The following DNAH14 variants were observed in gnomAD, a reference collection of about 807,000 sequenced individuals.
DNAH14 encodes dynein axonemal heavy chain 14, also known as axonemal beta dynein heavy chain 14.
Under a neutral mutation model 520.9 loss-of-function variants are expected in DNAH14, and 478 were observed. The ratio of observed to expected loss-of-function variants is 0.92; its 90% CI spans 0.85 to 0.99. The LOEUF is 0.99. Among genes scored for constraint, DNAH14 ranks in the 50% least tolerant of loss-of-function variants. The pLI, the probability that DNAH14 is intolerant of heterozygous loss-of-function variation, is 0.00. For missense variants in DNAH14, 4,831 were observed against 5,234.5 expected (o/e 0.92, Z 2.38); for synonymous variants, 1,581 against 1,757.2 (o/e 0.90, Z 2.51).
chr1:225,399,221 C>G lies in DNAH14; in HGVS notation c.13806C>G (p.His4602Gln). Residue 4602 changes from histidine (H) to glutamine (Q), a missense_variant, in exon 86 of 86, where the codon CAC becomes CAG. Physicochemically the swap from His to Gln is conservative, Grantham distance 24. Coordinates refer to ENST00000682510, the MANE Select transcript of DNAH14 (RefSeq NM_001367479.1). ...TATCAACGAAGAAACCTCCTAGTCA[C>G]TGGATCACAATGCGGGTTGCATTGC... The part of the protein sequence containing the change: ...VYLSTKKPPS[H>Q]WITMRVALLC... 1.3e-6 allele frequency: 2 copies of G among 1,551,672 alleles called. No individual in the cohort carries two copies. Among genetic ancestry groups the G allele is most frequent in the Non-Finnish European group, 1.7e-6 (2 of 1,146,988 alleles).
chr1:225,372,119 G>C (rs1375804284), intron 77 of DNAH14, among the ~76,000 whole-genome samples: 1 of 152,028 alleles, frequency 6.6e-6, no homozygotes, highest in Non-Finnish European at 1.5e-5. Context: ...CTAAATAAAT[G>C]CATCCATGTT....
chr1:225,100,647 T>G (rs1039860366), intron 22 of DNAH14, 66 bp from the exon 23 acceptor site: 1 of 1,233,440 alleles, frequency 8.1e-7, no homozygotes, highest in African/African-American at 1.6e-5. Flanking sequence ...GGCAATGCAT[T>G]ACATTATAGA....
intron 55 of DNAH14, 62 bp from the exon 56 acceptor site, chr1:225,300,807 G>A: frequency 6.9e-7 from 1 of 1,448,432 alleles, no homozygotes; most frequent in Middle Eastern, 2.0e-4. Flanking sequence ...TCAAATTGAT[G>A]TGGTTAGGGT....
intron 8 of DNAH14, among the ~76,000 whole-genome samples, chr1:224,991,904 A>G (rs1194600948): frequency 1.3e-5 from 2 of 152,202 alleles, no homozygotes; most frequent in South Asian, 2.1e-4. Flanking sequence ...AATGCAAATC[A>G]AAACTACAGT....
chr1:224,968,434 C>CT (rs1375195892), intron 6 of DNAH14, among the ~76,000 whole-genome samples: 1 of 152,026 alleles, frequency 6.6e-6, no homozygotes, highest in African/African-American at 2.4e-5. Context: ...ATAAATACTA[C>CT]TTTTATAGAA....
chr1:225,392,739 G>A (rs538890743), intron 84 of DNAH14, among the ~76,000 whole-genome samples: 1 of 152,232 alleles, frequency 6.6e-6, no homozygotes, highest in Non-Finnish European at 1.5e-5. Flanking sequence ...GAATGCTGCT[G>A]AGGTCAGCAT....
intron 21 of DNAH14, among the ~76,000 whole-genome samples, chr1:225,088,146 C>G (rs1378112329): frequency 1.3e-5 from 2 of 152,082 alleles, no homozygotes; most frequent in Non-Finnish European, 2.9e-5. Context: ...TGTACAATTT[C>G]TAGAATGCCA....
intron 59 of DNAH14, 48 bp downstream of exon 59, chr1:225,307,617 G>T: frequency 1.4e-6 from 2 of 1,409,926 alleles, no homozygotes; most frequent in Non-Finnish European, 1.9e-6. Flanking sequence ...GTCTAATATA[G>T]AACAGTGTTT....
chr1:225,146,636 G>A (rs181143540), intron 30 of DNAH14, among the ~76,000 whole-genome samples: 26 of 152,318 alleles, frequency 1.7e-4, no homozygotes, highest in African/African-American at 6.0e-4. Context: ...CTGTGGTTCA[G>A]TCTTTTGCAT....
intron 72 of DNAH14, among the ~76,000 whole-genome samples, chr1:225,352,304 C>T (rs1485072434): frequency 6.6e-6 from 1 of 152,036 alleles, no homozygotes; most frequent in African/African-American, 2.4e-5. Flanking sequence ...TCGAACTCTC[C>T]TCCGTTTTTC....
intron 8 of DNAH14, among the ~76,000 whole-genome samples, chr1:224,999,458 G>T (rs2063607358): frequency 6.6e-6 from 1 of 152,070 alleles, no homozygotes; most frequent in South Asian, 2.1e-4. Flanking sequence ...TCCTGCCTCG[G>T]CCTCCCAGAG....
chr1:225,335,379 A>G (rs557256843), intron 66 of DNAH14, among the ~76,000 whole-genome samples: 496 of 44,516 alleles, frequency 0.011, 108 homozygotes, highest in Non-Finnish European at 0.015. Flanking sequence ...ATGTGTGTGT[A>G]TATGCACATA....
chr1:224,931,220 T>A (rs1325115058), intron 1 of DNAH14, among the ~76,000 whole-genome samples: 1 of 152,192 alleles, frequency 6.6e-6, no homozygotes, highest in African/African-American at 2.4e-5. Context: ...AGAATAAGGA[T>A]ATAAAGGAAA....
chr1:225,129,739 A>G (rs944408276), intron 27 of DNAH14, among the ~76,000 whole-genome samples: 3 of 152,060 alleles, frequency 2.0e-5, no homozygotes, highest in Non-Finnish European at 2.9e-5. Flanking sequence ...AGGCATTACC[A>G]TTCAGGACAT....
At chr1:225,280,873 A>C (rs1408370299) in intron 54 of DNAH14, among the ~76,000 whole-genome samples, 1 of 152,204 alleles carries the variant, frequency 6.6e-6, no homozygotes, top group East Asian at 1.9e-4. Flanking sequence ...AAACCTCAAA[A>C]ATTTTATGTT....
chr1:225,213,814 C>T lies in DNAH14; in HGVS notation c.6439+6594C>T, dbSNP rs182247700. ...AGCTTAAGGAGATTTTGGGCTGAGA[C>T]GATGGGGTTTTCTAGATATACACTC... On this transcript the variant is annotated intron_variant, in intron 41 of 85. Transcript: ENST00000682510. Among the ~76,000 whole-genome samples the T allele has an allele frequency of 5.2e-3, 792 of 152,240 alleles. 7 individuals carry two copies. The highest frequency in any genetic ancestry group is 0.018 in the African/African-American group (746 of 41,534).
chr1:225,338,278 G>A (rs913516684), intron 68 of DNAH14, 96 bp downstream of exon 68: 3 of 1,375,200 alleles, frequency 2.2e-6, no homozygotes, highest in Non-Finnish European at 3.0e-6. Context: ...GCTTCTACAT[G>A]GAGGAAAAAG....
intron 21 of DNAH14, 29 bp downstream of exon 21, chr1:225,085,818 T>C: frequency 6.7e-7 from 1 of 1,488,162 alleles, no homozygotes. Context: ...GAAAAATGTT[T>C]TCTTTTTCTG....
At chr1:225,102,121 A>T (rs1285859401) in intron 23 of DNAH14, among the ~76,000 whole-genome samples, 1 of 141,702 alleles carries the variant, frequency 7.1e-6, no homozygotes, top group Admixed American at 7.8e-5. Context: ...ATTCCCACCT[A>T]TGAGTGAGAA....
Sources: gnomAD v4.1 joint callset for allele counts (sites outside exome capture counted in the v4.1 genomes callset) on GRCh38, gnomAD v4.1.1 for gene constraint, MANE v1.5 for transcripts, NCBI Gene and HGNC (gene_info 2026-07-23, HGNC 2026-07-21) for gene names.